The following LGALS9C variants were observed in gnomAD, a reference collection of about 807,000 sequenced individuals.
The protein encoded by LGALS9C is galectin 9C.
Under a neutral mutation model 41.3 loss-of-function variants are expected in LGALS9C, and 7 were observed. The ratio of observed to expected loss-of-function variants is 0.17; its 90% CI spans 0.10 to 0.32. The LOEUF is 0.32. Among genes scored for constraint, LGALS9C ranks in the 10% least tolerant of loss-of-function variants. LGALS9C has a pLI of 1.00. For synonymous variants in LGALS9C, 44 were observed against 171.0 expected, an observed-to-expected ratio of 0.26 and a Z score of 5.80; for missense variants, 102 against 455.2, an observed-to-expected ratio of 0.22 and a Z score of 7.06.
At chr17:18,487,536 T>C in intron 3 of LGALS9C, 111 bp from the exon 4 acceptor site, 1 of 778,264 alleles carries the variant, frequency 1.3e-6, no homozygotes, top group Non-Finnish European at 2.0e-6. Flanking sequence ...GGCCCCACAC[T>C]GAAGACCAGA....
intron 1 of LGALS9C, among the ~76,000 whole-genome samples, chr17:18,480,464 G>A (rs1409372149): frequency 1.2e-5 from 1 of 80,882 alleles, no homozygotes; most frequent in Non-Finnish European, 3.2e-5. Context: ...ATGTTTCTGG[G>A]GGGTCGCCCA....
rs1989213800 is a variant in LGALS9C, at chr17:18,476,793, C to G, written c.-62C>G. On this transcript the variant is annotated 5_prime_UTR_variant, in exon 1 of 11. Transcript: ENST00000328114. Reference sequence around the variant, plus strand: ...TTTCTATTACTTTGTTAAGTCATTCCTTCTGCAAAGGACTGCCTGGCAGGT... The same window carrying G: ...TTTCTATTACTTTGTTAAGTCATTCGTTCTGCAAAGGACTGCCTGGCAGGT... 2 of 1,476,738 alleles carry G rather than the reference C, an allele frequency of 1.4e-6. No individual in the cohort carries two copies. The highest frequency in any genetic ancestry group is 1.3e-5 in the African/African-American group (1 of 74,372). The allele number at this position is 1,476,738 out of a possible 1,614,324, so 91.5% of individuals were successfully genotyped here.
intron 1 of LGALS9C, among the ~76,000 whole-genome samples, chr17:18,481,693 G>T (rs2151663025): frequency 8.1e-6 from 1 of 123,908 alleles, no homozygotes; most frequent in South Asian, 2.7e-4. Context: ...GTTCAGACCT[G>T]ACCTGAGGGG....
intron 1 of LGALS9C, among the ~76,000 whole-genome samples, chr17:18,482,519 A>AT (rs1989432751): frequency 1.4e-5 from 2 of 142,154 alleles, no homozygotes; most frequent in African/African-American, 4.9e-5. Flanking sequence ...AAAAAAAAAA[A>AT]AAAAAATTCA....
Position 18,493,423 on chromosome 17 carries a change from G to A in LGALS9C, c.924+564G>A, listed in dbSNP as rs1454138708. On this transcript the variant is annotated intron_variant, in intron 10 of 10. Coordinates refer to ENST00000328114, the MANE Select transcript of LGALS9C (RefSeq NM_001040078.3). ...GCCAACATGCAGAGGTGTGGGTGTG[G>A]CCTCTCCAGGAACAGCAGCAGGCGT... 1.7e-5 allele frequency among the ~76,000 whole-genome samples: 2 copies of A among 119,224 alleles called. 1 individual carries two copies. The highest frequency in any genetic ancestry group is 3.9e-5 in the Non-Finnish European group (2 of 51,052). The allele number at this position is 119,224 out of a possible 152,430, so 78.2% of individuals were successfully genotyped here. A position where few individuals can be genotyped will look rare whatever the true frequency, so the allele number is the denominator to read the frequency against.
chr17:18,480,042 C>T (rs1989335244), intron 1 of LGALS9C, among the ~76,000 whole-genome samples: 1 of 114,456 alleles, frequency 8.7e-6, no homozygotes, highest in African/African-American at 2.7e-5. Context: ...TGTGTCTCTA[C>T]AAAGAATAGA....
In LGALS9C at chr17:18,487,908, C is replaced by T. The variant is rs556314590; in HGVS notation, c.444+151C>T. On this transcript the variant is annotated intron_variant, in intron 4 of 10. Coordinates refer to ENST00000328114, the MANE Select transcript of LGALS9C (RefSeq NM_001040078.3). ...CTTCCCTGTCCCAGTACCTGCCCGCCCCTTCTCCTCTGTCACTCTGCCCCT... is the reference window on the plus strand; with the variant it reads ...CTTCCCTGTCCCAGTACCTGCCCGCTCCTTCTCCTCTGTCACTCTGCCCCT... 4 of 575,242 alleles carry T rather than the reference C, an allele frequency of 7.0e-6. No homozygotes were observed. In the Admixed American group the frequency reaches 1.2e-4, roughly 18 times the overall value. 35.6% of individuals were successfully genotyped at this position (575,242 alleles called of 1,614,324 possible). A position where few individuals can be genotyped will look rare whatever the true frequency, so the allele number is the denominator to read the frequency against.
At chr17:18,483,316 T>C (rs1242361472) in intron 1 of LGALS9C, among the ~76,000 whole-genome samples, 8 of 138,634 alleles carry the variant, frequency 5.8e-5, no homozygotes, top group South Asian at 2.4e-4. Flanking sequence ...ACGGTGGCCA[T>C]TGTTATATGG....
At chr17:18,482,868 A>G (rs1682209) in intron 1 of LGALS9C, among the ~76,000 whole-genome samples, 4,402 of 99,788 alleles carry the variant, frequency 0.044, 78 homozygotes, top group African/African-American at 0.13. Context: ...AAACTTTGAA[A>G]ATTGGAAGTA....
At chr17:18,484,849 C>T (rs1326373125) in intron 2 of LGALS9C, among the ~76,000 whole-genome samples, 1 of 149,816 alleles carries the variant, frequency 6.7e-6, no homozygotes, top group East Asian at 1.9e-4. Context: ...CCTGCAGTGC[C>T]CCCAGGAGAT....
intron 1 of LGALS9C, among the ~76,000 whole-genome samples, chr17:18,482,060 CT>C (rs1377939824): frequency 4.0e-5 from 6 of 150,736 alleles, no homozygotes; most frequent in African/African-American, 1.5e-4. Context: ...TCGCTTGCTT[CT>C]CTTCCCACCT....
intron 4 of LGALS9C, 91 bp downstream of exon 4, chr17:18,487,848 A>T: frequency 6.4e-7 from 1 of 1,557,946 alleles, no homozygotes; most frequent in Non-Finnish European, 8.8e-7. Flanking sequence ...ACCCAAGCCA[A>T]TCTCCTACCC....
At chr17:18,479,555 A>T (rs1412806754) in intron 1 of LGALS9C, among the ~76,000 whole-genome samples, 3,689 of 122,040 alleles carry the variant, frequency 0.03, 68 homozygotes, top group African/African-American at 0.093. Flanking sequence ...AGGTCAAGTG[A>T]CTTGGCCAGT....
At chr17:18,483,395 A>C (rs1267911296) in intron 1 of LGALS9C, among the ~76,000 whole-genome samples, 2 of 115,088 alleles carry the variant, frequency 1.7e-5, no homozygotes, top group Admixed American at 8.2e-5. Context: ...GAACCTGCAG[A>C]CCCTTGATGG....
At position 18,492,395 on chromosome 17, in the gene LGALS9C, C is replaced by T. The variant is rs1350689754; in HGVS notation, c.673-62C>T. On this transcript the variant is annotated intron_variant, in intron 8 of 10. Coordinates refer to ENST00000328114, the MANE Select transcript of LGALS9C (RefSeq NM_001040078.3). ...AATTCATGGGAACTGGTACAATCTT[C>T]CCCTTCCATGTGGCGGCTGCCCTGA... 7 of 1,507,978 alleles carry T rather than the reference C, an allele frequency of 4.6e-6. 1 individual carries two copies. The highest frequency in any genetic ancestry group is 4.6e-6 in the Non-Finnish European group (5 of 1,094,244). 93.4% of individuals were successfully genotyped at this position (1,507,978 alleles called of 1,614,324 possible).
In LGALS9C at chr17:18,492,074, C is replaced by T; in HGVS notation, c.672+85C>T. 5.8e-6 allele frequency: 2 copies of T among 342,236 alleles called. 1 individual carries two copies. Among genetic ancestry groups the T allele is most frequent in the Non-Finnish European group, 1.1e-5 (2 of 182,942 alleles). 21.2% of individuals were successfully genotyped at this position (342,236 alleles called of 1,614,324 possible). A position where few individuals can be genotyped will look rare whatever the true frequency, so the allele number is the denominator to read the frequency against. On this transcript the variant is annotated intron_variant, in intron 8 of 10. Transcript: ENST00000328114. Reference sequence around the variant, plus strand: ...GGGCCGCTACGGGGGGATCCGCTGGCCTTGAAAAATGAAAAGCGAAGGGCT... The same window carrying T: ...GGGCCGCTACGGGGGGATCCGCTGGTCTTGAAAAATGAAAAGCGAAGGGCT...
chr17:18,480,274 G>C (rs1989345686), intron 1 of LGALS9C, among the ~76,000 whole-genome samples: 2 of 124,626 alleles, frequency 1.6e-5, no homozygotes, highest in South Asian at 4.9e-4. Flanking sequence ...TCTTGCTTCT[G>C]TTGTCACATC....
At chr17:18,484,850 C>A (rs555396883) in intron 2 of LGALS9C, among the ~76,000 whole-genome samples, 1 of 149,800 alleles carries the variant, frequency 6.7e-6, no homozygotes, top group Non-Finnish European at 1.5e-5. Flanking sequence ...CTGCAGTGCC[C>A]CCAGGAGATG....
At chr17:18,493,153 T>C (rs1989884263) in intron 10 of LGALS9C, among the ~76,000 whole-genome samples, 1 of 121,832 alleles carries the variant, frequency 8.2e-6, no homozygotes. Context: ...GGAGGTGTTA[T>C]TCATTTCTTC....
Sources: gnomAD v4.1 joint callset for allele counts (sites outside exome capture counted in the v4.1 genomes callset) on GRCh38, gnomAD v4.1.1 for gene constraint, MANE v1.5 for transcripts, NCBI Gene and HGNC (gene_info 2026-07-23, HGNC 2026-07-21) for gene names.